HDAC4: variants seen among roughly 807,000 people sequenced by gnomAD.
HDAC4 encodes the protein histone deacetylase 4.
HDAC4 carries 16 observed loss-of-function variants against 135.1 expected under a neutral mutation model. That is an observed-to-expected ratio of 0.12 (90% CI 0.08 to 0.18). The LOEUF (loss-of-function observed/expected upper bound fraction) is 0.18. HDAC4 is among the 10% of genes least tolerant of loss of function. The pLI is 1.00. For synonymous variants in HDAC4, 685 were observed against 653.4 expected (o/e 1.05, Z -0.74); for missense variants, 1,143 against 1,511.8 (o/e 0.76, Z 4.05).
chr2:239,230,925 C>A (rs1262786130), intron 3 of HDAC4, among the ~76,000 whole-genome samples: 1 of 152,220 alleles, frequency 6.6e-6, no homozygotes, highest in Admixed American at 6.5e-5. Context: ...GAGCTCCAGG[C>A]ACCAGCCAAC....
In HDAC4 at chr2:239,079,965, T is replaced by C. The variant is rs1041020572; in HGVS notation, c.2750+1130A>G. 2.6e-5 allele frequency among the ~76,000 whole-genome samples: 4 copies of C among 151,864 alleles called. 1 individual carries two copies. The highest frequency in any genetic ancestry group is 9.7e-5 in the African/African-American group (4 of 41,196). ...CCCACACAGATGTGTGTAACACACA[T>C]AGGCATGGACACACACCTGCAGACA... is the stretch of plus-strand genomic sequence containing the variant. On this transcript the variant is annotated intron_variant, in intron 22 of 26. Coordinates refer to ENST00000543185, the MANE Select transcript of HDAC4 (RefSeq NM_001378414.1).
At chr2:239,242,255 AGGG>A (rs1559274207) in intron 2 of HDAC4, among the ~76,000 whole-genome samples, 1 of 122,674 alleles carries the variant, frequency 8.2e-6, no homozygotes, top group African/African-American at 3.1e-5. Context: ...GGAGGGAGGG[AGGG>A]AAACGAACAG....
At chr2:239,322,944 C>T (rs2053362717) in intron 2 of HDAC4, among the ~76,000 whole-genome samples, 1 of 152,178 alleles carries the variant, frequency 6.6e-6, no homozygotes, top group South Asian at 2.1e-4. Context: ...TGTGTGGAGG[C>T]ATCTTGCCAT....
intron 2 of HDAC4, among the ~76,000 whole-genome samples, chr2:239,294,006 CA>C (rs571644891): frequency 1.4e-3 from 214 of 152,364 alleles, no homozygotes; most frequent in Non-Finnish European, 2.3e-3. Context: ...GTTAATTTAA[CA>C]GAGACATTTC....
chr2:239,274,977 G>T (rs2050268270), intron 2 of HDAC4, among the ~76,000 whole-genome samples: 1 of 152,248 alleles, frequency 6.6e-6, no homozygotes, highest in Admixed American at 6.5e-5. Flanking sequence ...GTCCTGGAGT[G>T]ATTTTGTGTG....
chr2:239,381,764 AACT>A (rs1407066769), intron 1 of HDAC4, among the ~76,000 whole-genome samples: 1 of 152,204 alleles, frequency 6.6e-6, no homozygotes, highest in Admixed American at 6.5e-5. Context: ...CCTGGCTTCA[AACT>A]ACTACAGGCC....
chr2:239,078,275 G>A (rs1050000955), intron 22 of HDAC4, among the ~76,000 whole-genome samples: 5 of 152,180 alleles, frequency 3.3e-5, no homozygotes, highest in African/African-American at 9.7e-5. Flanking sequence ...AGTGCCGGCT[G>A]CTTCTGGATT....
chr2:239,255,833 G>A (rs770350953), intron 2 of HDAC4, among the ~76,000 whole-genome samples: 13 of 152,188 alleles, frequency 8.5e-5, no homozygotes, highest in Non-Finnish European at 1.8e-4. Context: ...TTCCTGTGCT[G>A]CACTCAACAT....
At chr2:239,270,379 G>T (rs920800556) in intron 2 of HDAC4, among the ~76,000 whole-genome samples, 1 of 152,212 alleles carries the variant, frequency 6.6e-6, no homozygotes, top group South Asian at 2.1e-4. Flanking sequence ...CTGGAAAGGA[G>T]AAAGAGCAGA....
intron 3 of HDAC4, among the ~76,000 whole-genome samples, chr2:239,198,969 G>A (rs2045579737): frequency 6.6e-6 from 1 of 152,160 alleles, no homozygotes; most frequent in African/African-American, 2.4e-5. Context: ...GGACAAGTCT[G>A]TAATATTATG....
At chr2:239,079,672 A>G (rs908073286) in intron 22 of HDAC4, among the ~76,000 whole-genome samples, 1 of 152,258 alleles carries the variant, frequency 6.6e-6, no homozygotes, top group African/African-American at 2.4e-5. Context: ...GGAGACGTGC[A>G]TACTCAGGTG....
intron 3 of HDAC4, among the ~76,000 whole-genome samples, chr2:239,204,976 G>C (rs2045957957): frequency 6.6e-6 from 1 of 152,132 alleles, no homozygotes; most frequent in South Asian, 2.1e-4. Context: ...TACCCCACCT[G>C]TCATCAAAGC....
At chr2:239,401,639 T>TG (rs939328171), upstream of HDAC4, 1 of 259,114 alleles carries the variant, frequency 3.9e-6, no homozygotes, top group African/African-American at 2.4e-5. Context: ...GCGTCCATCT[T>TG]GGATACTGGC....
intron 8 of HDAC4, among the ~76,000 whole-genome samples, chr2:239,142,486 A>T (rs931240867): frequency 2.6e-5 from 4 of 152,208 alleles, no homozygotes; most frequent in African/African-American, 4.8e-5. Context: ...CTCACCCGCC[A>T]AGTCCCAGTG....
chr2:239,372,627 T>C (rs1046082566), intron 1 of HDAC4, among the ~76,000 whole-genome samples: 1 of 152,188 alleles, frequency 6.6e-6, no homozygotes, highest in African/African-American at 2.4e-5. Context: ...CTCTACAGAG[T>C]GTACGCGGCA....
In HDAC4 at chr2:239,166,539, C is replaced by T. The variant is rs191970651; in HGVS notation, c.491-2616G>A. ...TTTTCAGGGCACCCGGCGTTAGACTCGAACATCACTTAGAAGCACTTTTAG... is the reference window on the plus strand; with the variant it reads ...TTTTCAGGGCACCCGGCGTTAGACTTGAACATCACTTAGAAGCACTTTTAG... On this transcript the variant is annotated intron_variant, in intron 5 of 26. Transcript: ENST00000543185. Among the ~76,000 whole-genome samples the T allele has an allele frequency of 1.8e-3, 275 of 152,232 alleles. 9 individuals carry two copies. Among genetic ancestry groups the T allele is most frequent in the Admixed American group, 0.018 (274 of 15,298 alleles).
At chr2:239,238,057 G>A (rs928732073) in intron 2 of HDAC4, among the ~76,000 whole-genome samples, 2 of 152,044 alleles carry the variant, frequency 1.3e-5, no homozygotes, top group African/African-American at 4.8e-5. Flanking sequence ...ACACATTCCA[G>A]GGCTTTCTCA....
intron 16 of HDAC4, among the ~76,000 whole-genome samples, chr2:239,096,817 T>C (rs1471892598): frequency 1.4e-5 from 2 of 147,642 alleles, no homozygotes; most frequent in South Asian, 2.2e-4. Flanking sequence ...TGAGGCCCGA[T>C]GCACAGAGCT....
Position 239,352,888 on chromosome 2 carries a change from C to A in HDAC4, c.-189G>T, listed in dbSNP as rs1329337500. On this transcript the variant is annotated 5_prime_UTR_variant, in exon 2 of 27. Transcript: ENST00000543185. This position sits in a 1 kb window ranked among gnomAD's most constrained non-coding sequence, Gnocchi z 4.4. Reference sequence around the variant, plus strand: ...TGAGCCAGGTAACCCACAAGTTGAACAGAGGCGTCCGCTGGCTTCTGCAGA... The same window carrying A: ...TGAGCCAGGTAACCCACAAGTTGAAAAGAGGCGTCCGCTGGCTTCTGCAGA... 1 of 642,896 alleles carries A rather than the reference C, an allele frequency of 1.6e-6. No homozygotes were observed. The allele number at this position is 642,896 out of a possible 1,614,324, so 39.8% of individuals were successfully genotyped here. A position where few individuals can be genotyped will look rare whatever the true frequency, so the allele number is the denominator to read the frequency against.
Sources: allele counts gnomAD v4.1 joint callset (sites outside exome capture counted in the v4.1 genomes callset), GRCh38; gene constraint gnomAD v4.1.1; non-coding constraint Gnocchi (gnomAD v3.1); transcripts MANE v1.5; gene names NCBI Gene and HGNC (gene_info 2026-07-23, HGNC 2026-07-21).